The following DLG2 variants were observed in gnomAD, a reference collection of about 807,000 sequenced individuals.
DLG2 encodes discs large MAGUK scaffold protein 2.
DLG2 carries 45 observed loss-of-function variants against 132.5 expected under a neutral mutation model. That is an observed-to-expected ratio of 0.34 (90% CI 0.27 to 0.44). The LOEUF is 0.44. Ranked by LOEUF, DLG2 falls within the 20% of genes least tolerant of loss-of-function variation. The pLI, the probability that DLG2 is intolerant of heterozygous loss-of-function variation, is 1.00. For missense variants in DLG2, 1,045 were observed against 1,196.9 expected (o/e 0.87, Z 1.87); for synonymous variants, 424 against 419.6 (o/e 1.01, Z -0.13).
chr11:83,819,578 T>C (rs975380866), intron 17 of DLG2, among the ~76,000 whole-genome samples: 16 of 148,540 alleles, frequency 1.1e-4, no homozygotes, highest in African/African-American at 4.0e-4. Flanking sequence ...AGTAGAATAA[T>C]AAAAGTACAT....
At chr11:84,070,597 C>T (rs912914359) in intron 10 of DLG2, among the ~76,000 whole-genome samples, 1 of 152,178 alleles carries the variant, frequency 6.6e-6, no homozygotes, top group East Asian at 1.9e-4. Context: ...ATATGGAATT[C>T]ATAATTGTAC....
intron 3 of DLG2, among the ~76,000 whole-genome samples, chr11:85,514,117 T>C (rs1231209704): frequency 6.6e-6 from 1 of 152,004 alleles, no homozygotes; most frequent in African/African-American, 2.4e-5. Context: ...CTTGTTCTTA[T>C]ATAATCTATA....
chr11:85,228,912 T>C (rs1263566896), intron 4 of DLG2, among the ~76,000 whole-genome samples: 2 of 151,502 alleles, frequency 1.3e-5, no homozygotes, highest in African/African-American at 4.8e-5. Context: ...TTTAACTTCT[T>C]ATGTTATTTT....
chr11:85,543,240 G>C (rs2076091896), intron 3 of DLG2, among the ~76,000 whole-genome samples: 2 of 152,064 alleles, frequency 1.3e-5, no homozygotes, highest in South Asian at 4.1e-4. Context: ...TGCAATGTTT[G>C]GTTTTCTGTT....
At chr11:84,448,351 G>C (rs1490883346) in intron 7 of DLG2, among the ~76,000 whole-genome samples, 2 of 151,958 alleles carry the variant, frequency 1.3e-5, no homozygotes, top group Non-Finnish European at 2.9e-5. Flanking sequence ...TTCCTTATGA[G>C]CTCAAATAAT....
chr11:84,673,074 T>G (rs1168134229), intron 6 of DLG2, among the ~76,000 whole-genome samples: 1 of 151,172 alleles, frequency 6.6e-6, no homozygotes, highest in Non-Finnish European at 1.5e-5. Context: ...TTGACCCCCA[T>G]GACCCACTCA....
At position 83,760,515 on chromosome 11, in the gene DLG2, C is replaced by T. The variant is rs552681951; in HGVS notation, c.1825+26175G>A. On this transcript the variant is annotated intron_variant, in intron 18 of 27. Transcript: ENST00000376104. ...GATTACAGGTGCCTGCCACCACGCCCGGCTAATTTTTGTTATTTTTAGTAG... is the reference window on the plus strand; with the variant it reads ...GATTACAGGTGCCTGCCACCACGCCTGGCTAATTTTTGTTATTTTTAGTAG... 1.1e-4 allele frequency among the ~76,000 whole-genome samples: 17 copies of T among 151,834 alleles called. No homozygotes were observed. The South Asian group carries it at 1.3e-3, about 11-fold the overall frequency.
chr11:84,362,676 C>T (rs546375211), intron 7 of DLG2, among the ~76,000 whole-genome samples: 1 of 152,096 alleles, frequency 6.6e-6, no homozygotes, highest in Non-Finnish European at 1.5e-5. Flanking sequence ...CACCTCACAA[C>T]AGTCCCCAGA....
At chr11:83,889,267 A>C (rs1402433437) in intron 15 of DLG2, among the ~76,000 whole-genome samples, 2 of 152,062 alleles carry the variant, frequency 1.3e-5, no homozygotes, top group Non-Finnish European at 2.9e-5. Flanking sequence ...CAAGAAAAAA[A>C]CAAACAATCC....
intron 2 of DLG2, among the ~76,000 whole-genome samples, chr11:85,601,402 G>A (rs776414174): frequency 4.0e-5 from 6 of 151,858 alleles, no homozygotes; most frequent in East Asian, 3.9e-4. Context: ...GTGCAGTGGC[G>A]TGATCTCGGC....
intron 3 of DLG2, among the ~76,000 whole-genome samples, chr11:85,337,050 T>C (rs957049101): frequency 6.6e-6 from 1 of 152,318 alleles, no homozygotes; most frequent in Non-Finnish European, 1.5e-5. Context: ...AAAAATGAGC[T>C]CTTCATTGAA....
chr11:84,616,720 T>C (rs577902637), intron 6 of DLG2, among the ~76,000 whole-genome samples: 125 of 152,196 alleles, frequency 8.2e-4, no homozygotes, highest in Middle Eastern at 3.4e-3. Flanking sequence ...AACACCAAAA[T>C]TGCCTACCCT....
At position 84,939,084 on chromosome 11, in the gene DLG2, TG is replaced by T. The variant is rs1284592013; in HGVS notation, c.357+172576del. On this transcript the variant is annotated intron_variant, in intron 6 of 27. Transcript: ENST00000376104. ...TTATCTCCAAATAATACAAATTTAA[TG>T]ATTACTTATTAAAAATACAAAATTA... Among the ~76,000 whole-genome samples the T allele has an allele frequency of 2.6e-4, 40 of 152,054 alleles. 2 individuals are homozygous for T. The highest frequency in any genetic ancestry group is 2.6e-3 in the Admixed American group (40 of 15,252).
chr11:83,543,331 AGTT>A (rs1215371929), intron 19 of DLG2, among the ~76,000 whole-genome samples: 2 of 152,212 alleles, frequency 1.3e-5, no homozygotes, highest in Non-Finnish European at 2.9e-5. Context: ...GACATATATT[AGTT>A]AACATTCTTG....
chr11:85,332,615 C>G (rs2081841034), intron 3 of DLG2, among the ~76,000 whole-genome samples: 1 of 152,142 alleles, frequency 6.6e-6, no homozygotes, highest in Non-Finnish European at 1.5e-5. Context: ...TTCAACCCAT[C>G]TTGAGTTCAT....
intron 24 of DLG2, among the ~76,000 whole-genome samples, chr11:83,470,925 G>A (rs1056985177): frequency 6.6e-6 from 1 of 152,028 alleles, no homozygotes; most frequent in African/African-American, 2.4e-5. Flanking sequence ...TACGTAGAAG[G>A]TCTGCATGCA....
At chr11:85,394,667 T>A (rs1432240651) in intron 3 of DLG2, among the ~76,000 whole-genome samples, 2 of 152,222 alleles carry the variant, frequency 1.3e-5, no homozygotes, top group Non-Finnish European at 2.9e-5. Context: ...AATCACTGAA[T>A]AAGGCCCAGC....
chr11:83,700,972 T>C (rs2082827044), intron 18 of DLG2, among the ~76,000 whole-genome samples: 1 of 152,220 alleles, frequency 6.6e-6, no homozygotes, highest in African/African-American at 2.4e-5. Flanking sequence ...TTCAGTTTCT[T>C]TTGAATTAAA....
intron 7 of DLG2, among the ~76,000 whole-genome samples, chr11:84,419,854 C>G (rs1324074230): frequency 2.0e-5 from 3 of 152,192 alleles, no homozygotes; most frequent in African/African-American, 7.2e-5. Flanking sequence ...TTATTACACA[C>G]TGCGTGCTTG....
Sources: allele counts gnomAD v4.1 joint callset (sites outside exome capture counted in the v4.1 genomes callset), GRCh38; gene constraint gnomAD v4.1.1; transcripts MANE v1.5; gene names NCBI Gene and HGNC (gene_info 2026-07-23, HGNC 2026-07-21).